The following TK2 variants were observed in gnomAD, a reference collection of about 807,000 sequenced individuals.
The protein encoded by TK2 is thymidine kinase 2, mitochondrial.
Under a neutral mutation model 41.9 loss-of-function variants are expected in TK2, and 35 were observed. The ratio of observed to expected loss-of-function variants is 0.84; its 90% CI spans 0.64 to 1.11. TK2 has a LOEUF of 1.11. Ranked by LOEUF, TK2 falls within the 50% of genes least tolerant of loss-of-function variation. TK2 has a pLI of 0.00. For synonymous variants in TK2, 128 were observed against 129.1 expected (o/e 0.99, Z 0.06); for missense variants, 320 against 351.1 (o/e 0.91, Z 0.71).
intron 2 of TK2, chr16:66,546,747 T>TAGTA (rs1405025755): frequency 6.6e-6 from 1 of 151,222 alleles, no homozygotes; most frequent in Non-Finnish European, 1.5e-5. Context: ...AACTCCCTAC[T>TAGTA]ATTTGATTTT....
In TK2 at chr16:66,517,741, G is replaced by A. The variant is rs1205303767; in HGVS notation, c.538+48C>T. ...GGGCCCAGCCAAGCACATCCTCAAG[G>A]GACCCAGGAGAGAGACAAGAGAGGG... On this transcript the variant is annotated intron_variant, in intron 7 of 9. Coordinates refer to ENST00000544898, the MANE Select transcript of TK2 (RefSeq NM_004614.5). The surrounding 1 kb of genome is among the most constrained non-coding windows in gnomAD (Gnocchi z 4.3). The A allele has an allele frequency of 2.5e-6, 4 of 1,584,156 alleles. No homozygotes were observed. Among genetic ancestry groups the A allele is most frequent in the Non-Finnish European group, 3.5e-6 (4 of 1,152,856 alleles).
intron 2 of TK2, among the ~76,000 whole-genome samples, chr16:66,543,075 T>C (rs1162150691): frequency 2.0e-5 from 3 of 152,162 alleles, no homozygotes; most frequent in Non-Finnish European, 2.9e-5. Context: ...GGTTTCACCA[T>C]GTAGGCCAGG....
chr16:66,542,691 A>G (rs1200319380), intron 2 of TK2, among the ~76,000 whole-genome samples: 3 of 152,182 alleles, frequency 2.0e-5, no homozygotes. Flanking sequence ...GGGTCTACCT[A>G]TACCAAAGAC....
At chr16:66,518,906 C>T (rs549380672) in intron 6 of TK2, among the ~76,000 whole-genome samples, 1 of 152,086 alleles carries the variant, frequency 6.6e-6, no homozygotes, top group South Asian at 2.1e-4. Flanking sequence ...CACATTACTT[C>T]TCAAATCAGC....
intron 8 of TK2, among the ~76,000 whole-genome samples, chr16:66,516,694 G>A (rs1382595328): frequency 6.6e-6 from 1 of 152,192 alleles, no homozygotes; most frequent in Non-Finnish European, 1.5e-5. Context: ...CTAAGCATGA[G>A]CACCGCCTCC....
In TK2 at chr16:66,517,071, G is replaced by C; in HGVS notation, c.618+65C>G. 1 of 1,436,684 alleles carries C rather than the reference G, an allele frequency of 7.0e-7. No homozygotes were observed. Among genetic ancestry groups the C allele is most frequent in the Non-Finnish European group, 9.8e-7 (1 of 1,018,422 alleles). The allele number at this position is 1,436,684 out of a possible 1,614,324, so 89.0% of individuals were successfully genotyped here. ...ATCTCATGGGGGTGGGGCCGGGAGA[G>C]GAAGCCGGGTTGGACAGAGGTGGTT... is the stretch of plus-strand genomic sequence containing the variant. On this transcript the variant is annotated intron_variant, in intron 8 of 9. Coordinates refer to ENST00000544898, the MANE Select transcript of TK2 (RefSeq NM_004614.5). This position sits in a 1 kb window ranked among gnomAD's most constrained non-coding sequence, Gnocchi z 4.3.
chr16:66,541,582 T>C (rs1015112123), intron 3 of TK2, among the ~76,000 whole-genome samples: 1 of 152,078 alleles, frequency 6.6e-6, no homozygotes, highest in African/African-American at 2.4e-5. Context: ...CGTACCACCA[T>C]GCCTGGCATA....
intron 2 of TK2, chr16:66,547,986 TA>T (rs1208728755): frequency 7.0e-6 from 9 of 1,286,780 alleles, no homozygotes; most frequent in African/African-American, 1.5e-5. Context: ...TCATCACAGC[TA>T]CTCAGGAGGC....
At chr16:66,524,424 C>G (rs1043480288) in intron 6 of TK2, among the ~76,000 whole-genome samples, 2 of 152,178 alleles carry the variant, frequency 1.3e-5, no homozygotes, top group South Asian at 4.1e-4. Context: ...CAGCCCTGAC[C>G]TCCTGGGCTC....
At chr16:66,540,154 TTTTC>T (rs928115456) in intron 3 of TK2, among the ~76,000 whole-genome samples, 38 of 151,070 alleles carry the variant, frequency 2.5e-4, no homozygotes, top group South Asian at 6.3e-4. Flanking sequence ...TATATATTTC[TTTTC>T]TTTCTTTCTT....
chr16:66,519,456 G>A (rs1964715738), intron 6 of TK2, among the ~76,000 whole-genome samples: 1 of 152,146 alleles, frequency 6.6e-6, no homozygotes. Context: ...TGGGATTACA[G>A]GCATGAGCCA....
rs1964535238 is a variant in TK2, at chr16:66,514,145, T to G, written c.619-334A>C. 6.6e-6 allele frequency among the ~76,000 whole-genome samples: 1 copy of G among 150,752 alleles called. No homozygotes were observed. The highest frequency in any genetic ancestry group is 6.6e-5 in the Admixed American group (1 of 15,212). On this transcript the variant is annotated intron_variant, in intron 8 of 9. Coordinates refer to ENST00000544898, the MANE Select transcript of TK2 (RefSeq NM_004614.5). This position sits in a 1 kb window ranked among gnomAD's most constrained non-coding sequence, Gnocchi z 4.2. ...CCCCCTCCCCCTCTCCCTCTCCCCT[T>G]TGCACGGTTTCCCTCTGATGCCCAG...
At position 66,517,818 on chromosome 16, in the gene TK2, C is replaced by G; in HGVS notation, c.509G>C (p.Arg170Thr). 1 of 1,614,152 alleles carries G rather than the reference C, an allele frequency of 6.2e-7. No homozygotes were observed. The highest frequency in any genetic ancestry group is 1.1e-5 in the South Asian group (1 of 91,080). Residue 170 changes from arginine (R) to threonine (T), a missense_variant, in exon 7 of 10, where the codon AGG becomes ACG. Transcript: ENST00000544898. The surrounding 1 kb of genome is among the most constrained non-coding windows in gnomAD (Gnocchi z 4.3). ...VLSEWFDWILRNMDVSVDLIV... is the reference protein window; with the variant it reads ...VLSEWFDWILTNMDVSVDLIV... ...CAAATCAACAGACACGTCCATGTTC[C>G]TCAAGATCCAGTCAAACCATTCCGA...
intron 2 of TK2, among the ~76,000 whole-genome samples, chr16:66,545,665 A>C (rs1965585478): frequency 6.6e-6 from 1 of 152,128 alleles, no homozygotes; most frequent in East Asian, 1.9e-4. Flanking sequence ...CTCTACTAAA[A>C]ATACAAAAAT....
In TK2 at chr16:66,516,601, A is replaced by C. The variant is rs1467542849; in HGVS notation, c.618+535T>G. Among the ~76,000 whole-genome samples the C allele has an allele frequency of 2.0e-5, 3 of 152,194 alleles. No individual in the cohort carries two copies. The East Asian group carries it at 5.8e-4, about 29-fold the overall frequency. On this transcript the variant is annotated intron_variant, in intron 8 of 9. Transcript: ENST00000544898. ...AGGGCGAGATGCACAGCCCGGGCCTATACTGGCAGAGTCCCCATGAGAGTC... is the reference window on the plus strand; with the variant it reads ...AGGGCGAGATGCACAGCCCGGGCCTCTACTGGCAGAGTCCCCATGAGAGTC...
chr16:66,550,195 C>T (rs959514278), upstream of TK2: 19 of 1,611,996 alleles, frequency 1.2e-5, no homozygotes, highest in Non-Finnish European at 1.5e-5. Context: ...CATTTCATCT[C>T]AGCAAGAGGA....
Position 66,513,778 on chromosome 16 carries a change from C to T in TK2, c.652G>A (p.Glu218Lys). The change falls in exon 9 of 10, where the codon GAG becomes AAG. Residue 218 changes from glutamate (E) to lysine (K), a missense_variant. Transcript: ENST00000544898. ...AAAAGGCTGCCTTTGATGAGCCACTCCTCATGGAGATGGTGAATTGCTTCC... is the reference window on the plus strand; with the variant it reads ...AAAAGGCTGCCTTTGATGAGCCACTTCTCATGGAGATGGTGAATTGCTTCC... ...YLEAIHHLHE[E>K]WLIKGSLFPM... The T allele has an allele frequency of 6.2e-7, 1 of 1,614,038 alleles. No individual in the cohort carries two copies. The highest frequency in any genetic ancestry group is 8.5e-7 in the Non-Finnish European group (1 of 1,180,022).
At chr16:66,540,587 G>C (rs960409416) in intron 3 of TK2, among the ~76,000 whole-genome samples, 6 of 152,240 alleles carry the variant, frequency 3.9e-5, no homozygotes, top group African/African-American at 1.4e-4. Context: ...GCCATCAATA[G>C]AGAAGATTAT....
At position 66,511,268 on chromosome 16, in the gene TK2, C is replaced by T. The variant is rs1161244922; in HGVS notation, c.*700G>A. On this transcript the variant is annotated 3_prime_UTR_variant, in exon 10 of 10. Transcript: ENST00000544898. ...GCTGCAGCGACCTCGGGCAGGGAAACCACTGAACACCGGGCTCCAGCCAAA... is the reference window on the plus strand; with the variant it reads ...GCTGCAGCGACCTCGGGCAGGGAAATCACTGAACACCGGGCTCCAGCCAAA... 6.4e-6 allele frequency: 1 copy of T among 155,146 alleles called. No homozygotes were observed. Among genetic ancestry groups the T allele is most frequent in the Non-Finnish European group, 1.4e-5 (1 of 69,984 alleles). 9.6% of individuals were successfully genotyped at this position (155,146 alleles called of 1,614,324 possible). A position where few individuals can be genotyped will look rare whatever the true frequency, so the allele number is the denominator to read the frequency against.
Sources: allele counts gnomAD v4.1 joint callset (sites outside exome capture counted in the v4.1 genomes callset), GRCh38; gene constraint gnomAD v4.1.1; non-coding constraint Gnocchi (gnomAD v3.1); transcripts MANE v1.5; gene names NCBI Gene and HGNC (gene_info 2026-07-23, HGNC 2026-07-21).